SEC31A: variants seen among roughly 807,000 people sequenced by gnomAD.
SEC31A encodes SEC31 homolog A, COPII component.
Under a neutral mutation model 151.0 loss-of-function variants are expected in SEC31A, and 70 were observed. The observed-to-expected ratio is 0.46, with a 90% CI of 0.38 to 0.57. The LOEUF is 0.57. SEC31A is among the 20% of genes least tolerant of loss of function. The pLI is 0.00. For missense variants in SEC31A, 1,330 were observed against 1,471.2 expected (o/e 0.90, Z 1.57); for synonymous variants, 475 against 505.9 (o/e 0.94, Z 0.82).
intron 19 of SEC31A, among the ~76,000 whole-genome samples, chr4:82,849,597 G>C (rs1731013741): frequency 9.3e-6 from 1 of 107,114 alleles, no homozygotes; most frequent in Non-Finnish European, 1.7e-5. Context: ...CTGGGCGACA[G>C]AGCAAGAATC....
chr4:82,853,853 T>C (rs1399127736), intron 17 of SEC31A, 138 bp from the exon 18 acceptor site: 1 of 570,942 alleles, frequency 1.8e-6, no homozygotes, highest in African/African-American at 2.0e-5. Flanking sequence ...AAAATCACTC[T>C]AAATGCTCAG....
intron 6 of SEC31A, among the ~76,000 whole-genome samples, chr4:82,873,486 TG>T (rs950570801): frequency 1.3e-5 from 2 of 152,194 alleles, no homozygotes; most frequent in African/African-American, 4.8e-5. Flanking sequence ...AATTTTCATA[TG>T]GAATAAATTA....
intron 19 of SEC31A, among the ~76,000 whole-genome samples, chr4:82,849,482 C>T (rs922004889): frequency 4.6e-5 from 7 of 151,580 alleles, no homozygotes; most frequent in South Asian, 2.1e-4. Flanking sequence ...GGTGTGGTGG[C>T]GGGCACCTGT....
intron 20 of SEC31A, among the ~76,000 whole-genome samples, chr4:82,846,299 G>A (rs977236955): frequency 6.0e-5 from 9 of 151,064 alleles, no homozygotes; most frequent in East Asian, 1.9e-4. Flanking sequence ...CACCACGCCC[G>A]GCCTGTTTGT....
At chr4:82,856,917 T>C (rs762148051) in intron 16 of SEC31A, 35 bp downstream of exon 16, 2 of 1,541,748 alleles carry the variant, frequency 1.3e-6, no homozygotes, top group Non-Finnish European at 1.8e-6. Context: ...ATTAGAAAGA[T>C]AAATACGTTA....
intron 25 of SEC31A, among the ~76,000 whole-genome samples, chr4:82,823,035 G>C (rs536333398): frequency 6.6e-6 from 1 of 152,276 alleles, no homozygotes; most frequent in South Asian, 2.1e-4. Context: ...ACCCCAAGGG[G>C]GCAAGGGCAG....
At chr4:82,822,459 G>A (rs1013521800) in intron 25 of SEC31A, among the ~76,000 whole-genome samples, 6 of 152,142 alleles carry the variant, frequency 3.9e-5, no homozygotes, top group Admixed American at 3.3e-4. Flanking sequence ...AAGTCCTGAC[G>A]CTGAAATGCT....
rs761665791 is a variant in SEC31A at position 82,864,596 on chromosome 4, A to G, written c.1200T>C (p.Phe400=). 4 of 1,613,416 alleles carry G rather than the reference A, an allele frequency of 2.5e-6. No homozygotes were observed. The African/African-American group carries it at 4.0e-5, about 16-fold the overall frequency. ...TCTCAAACGTAACCAGTTTGCCTCC[A>G]AACTATAAAAGAGAGAATGAACAAA... ...IRRPVGASFS[F]GGKLVTFENV... The change falls in exon 11 of 27, where the codon TTT becomes TTC. Residue 400 remains phenylalanine, a splice_region_variant and synonymous_variant. Transcript: ENST00000395310.
At chr4:82,857,822 G>A in intron 14 of SEC31A, 58 bp from the exon 15 acceptor site, 1 of 1,108,410 alleles carries the variant, frequency 9.0e-7, no homozygotes, top group Non-Finnish European at 1.3e-6. Context: ...ATGATTTACT[G>A]ACAAAAAAAA....
chr4:82,832,183 C>T (rs1341789692), intron 22 of SEC31A, among the ~76,000 whole-genome samples: 3 of 152,198 alleles, frequency 2.0e-5, no homozygotes, highest in Admixed American at 1.3e-4. Flanking sequence ...GTAACCAAAA[C>T]AGCAAGGTAC....
chr4:82,827,243 A>T, intron 24 of SEC31A, 126 bp downstream of exon 24: 1 of 1,078,566 alleles, frequency 9.3e-7, no homozygotes, highest in Non-Finnish European at 1.3e-6. Context: ...AAAAAAAGTT[A>T]CTATTTTTTG....
chr4:82,824,265 G>A (rs1176229748), intron 25 of SEC31A, among the ~76,000 whole-genome samples: 5 of 152,046 alleles, frequency 3.3e-5, no homozygotes, highest in Admixed American at 1.3e-4. Context: ...GTGCAATGGC[G>A]CGATCTCGGC....
At chr4:82,864,222 T>C in intron 11 of SEC31A, 140 bp downstream of exon 11, 1 of 654,522 alleles carries the variant, frequency 1.5e-6, no homozygotes. Flanking sequence ...ATGCTCTTTA[T>C]AAGGCTTCTT....
chr4:82,825,054 G>A (rs1297667950), intron 24 of SEC31A, among the ~76,000 whole-genome samples: 2 of 152,168 alleles, frequency 1.3e-5, no homozygotes, highest in Admixed American at 1.3e-4. Context: ...CTGCCTATTG[G>A]CTCATTTACG....
intron 19 of SEC31A, 123 bp from the exon 20 acceptor site, chr4:82,849,100 T>TG: frequency 3.6e-6 from 3 of 842,356 alleles, no homozygotes; most frequent in Non-Finnish European, 5.5e-6. Context: ...CTGGGTATTA[T>TG]ACAATAGACC....
At chr4:82,846,104 T>C (rs570469004) in intron 20 of SEC31A, among the ~76,000 whole-genome samples, 3 of 151,870 alleles carry the variant, frequency 2.0e-5, no homozygotes, top group Non-Finnish European at 2.9e-5. Context: ...CCCAGGTTCA[T>C]GCCATTCTCC....
At position 82,837,959 on chromosome 4, in the gene SEC31A, T is replaced by C. The variant is rs564890114; in HGVS notation, c.2968+4181A>G. 3.9e-5 allele frequency among the ~76,000 whole-genome samples: 6 copies of C among 152,274 alleles called. No homozygotes were observed. The South Asian group carries it at 6.2e-4, about 16-fold the overall frequency. On this transcript the variant is annotated intron_variant, in intron 22 of 26. Transcript: ENST00000395310. ...TAGAACATTAATTTGAAATAGAGAA[T>C]AGAGCATCTTTGTCAACCATACATC...
intron 8 of SEC31A, 60 bp from the exon 9 acceptor site, chr4:82,867,376 A>G: frequency 2.8e-6 from 4 of 1,411,344 alleles, no homozygotes; most frequent in Non-Finnish European, 4.0e-6. Flanking sequence ...TTTGTAACCA[A>G]AACACCTGAA....
chr4:82,819,855 G>A (rs1722927896), intron 26 of SEC31A, among the ~76,000 whole-genome samples: 2 of 151,656 alleles, frequency 1.3e-5, no homozygotes, highest in South Asian at 2.1e-4. Context: ...TCCGCCTCCC[G>A]GGTTCAAGCG....
Sources: allele counts gnomAD v4.1 joint callset (sites outside exome capture counted in the v4.1 genomes callset), GRCh38; gene constraint gnomAD v4.1.1; transcripts MANE v1.5; gene names NCBI Gene and HGNC (gene_info 2026-07-23, HGNC 2026-07-21).